The following AFG2A variants were observed in gnomAD, a reference collection of about 807,000 sequenced individuals.
The protein encoded by AFG2A is ATPase family gene 2 protein homolog A.
chr4:122,947,678 T>A, the AFG2A span, among the ~76,000 whole-genome samples: 1 of 151,866 alleles, frequency 6.6e-6, no homozygotes, highest in Non-Finnish European at 1.5e-5. Context: ...TAAAAAAAAA[T>A]AAAAATCACT....
At chr4:123,223,862 G>A in the AFG2A span, among the ~76,000 whole-genome samples, 2 of 152,328 alleles carry the variant, frequency 1.3e-5, no homozygotes, top group Middle Eastern at 3.4e-3. Context: ...CTCCAATTCA[G>A]TAGGTTGCTT....
chr4:122,981,332 A>G, the AFG2A span, among the ~76,000 whole-genome samples: 2 of 142,670 alleles, frequency 1.4e-5, no homozygotes, highest in Non-Finnish European at 3.1e-5. Flanking sequence ...TTGACTGTAC[A>G]TGCGTGGATT....
chr4:123,211,531 A>T, the AFG2A span, among the ~76,000 whole-genome samples: 1 of 152,192 alleles, frequency 6.6e-6, no homozygotes, highest in Non-Finnish European at 1.5e-5. Flanking sequence ...CTGTCACAAC[A>T]TACAAGCTGG....
the AFG2A span, among the ~76,000 whole-genome samples, chr4:123,128,354 T>C: frequency 6.6e-6 from 1 of 152,158 alleles, no homozygotes; most frequent in Non-Finnish European, 1.5e-5. Context: ...TATCTCAGGG[T>C]AAACATAAAA....
the AFG2A span, among the ~76,000 whole-genome samples, chr4:123,250,630 G>A: frequency 6.6e-6 from 1 of 152,172 alleles, no homozygotes; most frequent in East Asian, 1.9e-4. Flanking sequence ...CACACATGAG[G>A]AAACTGAGGC....
the AFG2A span, among the ~76,000 whole-genome samples, chr4:122,928,474 T>C: frequency 6.6e-6 from 1 of 152,188 alleles, no homozygotes; most frequent in South Asian, 2.1e-4. Context: ...ACCCCTCCTA[T>C]TCTTTTCATT....
At chr4:123,295,071 C>T in the AFG2A span, among the ~76,000 whole-genome samples, 2 of 152,168 alleles carry the variant, frequency 1.3e-5, no homozygotes, top group East Asian at 3.8e-4. Flanking sequence ...CATGACCAGC[C>T]CCATTAGCAC....
At chr4:123,119,323 A>G in the AFG2A span, among the ~76,000 whole-genome samples, 187 of 152,334 alleles carry the variant, frequency 1.2e-3, no homozygotes, top group Non-Finnish European at 2.4e-3. Flanking sequence ...AAGAGGTAGT[A>G]TGGAAATAGA....
the AFG2A span, among the ~76,000 whole-genome samples, chr4:123,030,949 T>C: frequency 6.6e-6 from 1 of 152,206 alleles, no homozygotes; most frequent in Non-Finnish European, 1.5e-5. Flanking sequence ...ATACTCAACA[T>C]GTACTATTCG....
chr4:122,972,116 C>A, the AFG2A span, among the ~76,000 whole-genome samples: 1 of 152,018 alleles, frequency 6.6e-6, no homozygotes, highest in African/African-American at 2.4e-5. Flanking sequence ...TGACATTTAT[C>A]AGTGAAGCCA....
At chr4:123,241,174 C>T in the AFG2A span, among the ~76,000 whole-genome samples, 7 of 152,092 alleles carry the variant, frequency 4.6e-5, no homozygotes, top group Admixed American at 1.3e-4. Flanking sequence ...CAGGACCAGA[C>T]AGATTCACAG....
At chr4:123,037,647 G>C in the AFG2A span, among the ~76,000 whole-genome samples, 2 of 151,934 alleles carry the variant, frequency 1.3e-5, no homozygotes, top group African/African-American at 4.8e-5. Flanking sequence ...TTTCAAATTA[G>C]CCTATGCTAC....
At chr4:123,117,859 T>C in the AFG2A span, among the ~76,000 whole-genome samples, 3 of 139,470 alleles carry the variant, frequency 2.2e-5, no homozygotes, top group East Asian at 5.9e-4. Context: ...ATTTTTTTAA[T>C]TTTTTTTTTT....
At chr4:123,083,313 G>T in the AFG2A span, among the ~76,000 whole-genome samples, 2 of 152,024 alleles carry the variant, frequency 1.3e-5, no homozygotes, top group African/African-American at 4.8e-5. Flanking sequence ...TCTATTCCTG[G>T]TTTGCTGAGA....
chr4:123,024,005 A>G, the AFG2A span, among the ~76,000 whole-genome samples: 1 of 151,874 alleles, frequency 6.6e-6, no homozygotes, highest in Non-Finnish European at 1.5e-5. Flanking sequence ...TTAAATTAGA[A>G]GAGAGAGGAG....
At chr4:123,049,838 T>C in the AFG2A span, among the ~76,000 whole-genome samples, 2 of 152,040 alleles carry the variant, frequency 1.3e-5, no homozygotes, top group African/African-American at 4.8e-5. Flanking sequence ...TTATTATTTG[T>C]TTTCTTGTAG....
the AFG2A span, among the ~76,000 whole-genome samples, chr4:123,060,459 C>T: frequency 9.2e-5 from 14 of 152,334 alleles, no homozygotes; most frequent in South Asian, 6.2e-4. Context: ...CCTCAATTCT[C>T]GACTTCTGCA....
At chr4:122,965,984 CTTAT>C in the AFG2A span, among the ~76,000 whole-genome samples, 1 of 152,210 alleles carries the variant, frequency 6.6e-6, no homozygotes, top group South Asian at 2.1e-4. Flanking sequence ...AGGGCTAAGT[CTTAT>C]TTAAAGTTGT....
At chr4:123,250,579 A>G in the AFG2A span, among the ~76,000 whole-genome samples, 1 of 152,188 alleles carries the variant, frequency 6.6e-6, no homozygotes, top group Non-Finnish European at 1.5e-5. Context: ...TTTCTGTCAA[A>G]TGCACATAGG....
Sources: allele counts gnomAD v4.1 joint callset (sites outside exome capture counted in the v4.1 genomes callset), GRCh38; gene constraint gnomAD v4.1.1; transcripts MANE v1.5; gene names NCBI Gene and HGNC (gene_info 2026-07-23, HGNC 2026-07-21).